Variants in GABPB1 observed in about 807,000 individuals in gnomAD.
GABPB1 encodes the protein GA binding protein transcription factor subunit beta 1.
GABPB1 carries 15 observed loss-of-function variants against 45.9 expected under a neutral mutation model. The observed-to-expected ratio is 0.33, with a 90% confidence interval of 0.22 to 0.50. The LOEUF is 0.50. GABPB1 is among the 20% of genes least tolerant of loss of function. GABPB1 has a pLI of 0.98. For synonymous variants in GABPB1, 143 were observed against 154.4 expected (o/e 0.93, Z 0.55); for missense variants, 252 against 457.5 (o/e 0.55, Z 4.10).
intron 6 of GABPB1, among the ~76,000 whole-genome samples, chr15:50,292,505 C>T (rs1457697987): frequency 6.6e-6 from 1 of 151,974 alleles, no homozygotes; most frequent in Admixed American, 6.6e-5. Flanking sequence ...CCTGAAAAGA[C>T]CCGGCAGTCA....
intron 2 of GABPB1, among the ~76,000 whole-genome samples, chr15:50,306,947 A>C (rs1353535739): frequency 6.6e-6 from 1 of 152,116 alleles, no homozygotes; most frequent in Non-Finnish European, 1.5e-5. Flanking sequence ...AACCACAATT[A>C]ATTTAACCAA....
intron 1 of GABPB1, chr15:50,354,677 C>T (rs772477231): frequency 2.4e-6 from 1 of 417,850 alleles, no homozygotes. Context: ...AGCCGGGTAG[C>T]CGCGAGGCGG....
chr15:50,312,310 T>A (rs1005553692), intron 1 of GABPB1, among the ~76,000 whole-genome samples: 5 of 152,358 alleles, frequency 3.3e-5, no homozygotes, highest in Middle Eastern at 3.4e-3. Flanking sequence ...ATGGGTTTTT[T>A]AAATACACTT....
intron 1 of GABPB1, among the ~76,000 whole-genome samples, chr15:50,343,962 C>T (rs971773748): frequency 6.6e-6 from 1 of 152,154 alleles, no homozygotes; most frequent in African/African-American, 2.4e-5. Flanking sequence ...TTTCATTTTA[C>T]TCATTACCAC....
At chr15:50,321,244 A>T (rs911911099) in intron 1 of GABPB1, among the ~76,000 whole-genome samples, 12 of 152,220 alleles carry the variant, frequency 7.9e-5, no homozygotes, top group African/African-American at 2.9e-4. Context: ...AGACACTGCC[A>T]AATTATCTAC....
chr15:50,354,357 G>T (rs963315142), intron 1 of GABPB1: 1 of 448,502 alleles, frequency 2.2e-6, no homozygotes, highest in African/African-American at 2.1e-5. Context: ...GGGGCCCCGC[G>T]CGGGACTGGC....
chr15:50,279,330 T>G (rs577590432), intron 8 of GABPB1, among the ~76,000 whole-genome samples: 1 of 152,338 alleles, frequency 6.6e-6, no homozygotes, highest in East Asian at 1.9e-4. Flanking sequence ...GTTGGATTTA[T>G]AGGGTTCTAA....
chr15:50,303,847 C>CA, intron 3 of GABPB1, 119 bp downstream of exon 3: 2 of 742,378 alleles, frequency 2.7e-6, no homozygotes, highest in Non-Finnish European at 4.2e-6. Flanking sequence ...CTTATACACA[C>CA]AAAAAATGAA....
chr15:50,330,864 A>T (rs962269351), intron 1 of GABPB1, among the ~76,000 whole-genome samples: 4 of 152,170 alleles, frequency 2.6e-5, no homozygotes, highest in African/African-American at 9.7e-5. Flanking sequence ...AGAAGTAAAT[A>T]AGTAGTAGTA....
Position 50,340,958 on chromosome 15 carries a change from AC to A in GABPB1, c.-1+14026del, listed in dbSNP as rs869081801. ...ATGGTTTATTACCATATGTAATATT[AC>A]ATATTACATATGGTTTATTACCATA... On this transcript the variant is annotated intron_variant, in intron 1 of 8. Transcript: ENST00000380877. 3.9e-4 allele frequency among the ~76,000 whole-genome samples: 8 copies of A among 20,448 alleles called. 1 individual carries two copies. The highest frequency in any genetic ancestry group is 1.2e-3 in the Admixed American group (2 of 1,690). The allele number at this position is 20,448 out of a possible 152,430, so 13.4% of individuals were successfully genotyped here. A position where few individuals can be genotyped will look rare whatever the true frequency, so the allele number is the denominator to read the frequency against.
intron 1 of GABPB1, chr15:50,354,370 G>A (rs567387615): frequency 2.3e-4 from 106 of 451,728 alleles, no homozygotes; most frequent in South Asian, 1.6e-3. Context: ...GGACTGGCCA[G>A]GCTCTTCCAT....
chr15:50,354,767 G>A (rs958912176), intron 1 of GABPB1: 3 of 251,850 alleles, frequency 1.2e-5, no homozygotes, highest in Admixed American at 1.3e-4. Flanking sequence ...TGTGCCCAGC[G>A]GACAAAGCGC....
At chr15:50,290,758 T>C (rs1380191557) in intron 6 of GABPB1, among the ~76,000 whole-genome samples, 3 of 152,234 alleles carry the variant, frequency 2.0e-5, no homozygotes, top group Non-Finnish European at 4.4e-5. Context: ...TACTATGTGA[T>C]AGTAAATAGT....
chr15:50,310,707 G>A (rs1010599517), intron 1 of GABPB1, among the ~76,000 whole-genome samples: 2 of 152,136 alleles, frequency 1.3e-5, no homozygotes, highest in Non-Finnish European at 2.9e-5. Context: ...GGCCAGGTGC[G>A]ATGGCACATC....
intron 1 of GABPB1, among the ~76,000 whole-genome samples, chr15:50,326,976 G>A (rs141969376): frequency 0.011 from 1,726 of 152,228 alleles, 32 homozygotes; most frequent in African/African-American, 0.039. Context: ...GACAATGAAG[G>A]GGGCCCATGG....
intron 1 of GABPB1, among the ~76,000 whole-genome samples, chr15:50,340,987 T>C (rs531460473): frequency 4.4e-5 from 6 of 137,430 alleles, no homozygotes; most frequent in African/African-American, 1.6e-4. Flanking sequence ...TTACCATATG[T>C]AATATTACAT....
chr15:50,307,526 C>A (rs902236901), intron 2 of GABPB1, among the ~76,000 whole-genome samples: 1 of 151,924 alleles, frequency 6.6e-6, no homozygotes, highest in East Asian at 1.9e-4. Flanking sequence ...CATATTGAAA[C>A]CCCATCTCTA....
chr15:50,293,975 T>C (rs2140999884), intron 6 of GABPB1, among the ~76,000 whole-genome samples: 1 of 152,264 alleles, frequency 6.6e-6, no homozygotes, highest in Non-Finnish European at 1.5e-5. Flanking sequence ...AGATTTATAT[T>C]CCAAAACATA....
At chr15:50,354,522 G>A (rs2049008804) in intron 1 of GABPB1, 4 of 448,808 alleles carry the variant, frequency 8.9e-6, no homozygotes, top group Non-Finnish European at 1.8e-5. Context: ...CCGAGACAAA[G>A]GGTACCGCGG....
Sources: gnomAD v4.1 joint callset for allele counts (sites outside exome capture counted in the v4.1 genomes callset) on GRCh38, gnomAD v4.1.1 for gene constraint, MANE v1.5 for transcripts, NCBI Gene and HGNC (gene_info 2026-07-23, HGNC 2026-07-21) for gene names.